PLCG1: variants seen among roughly 807,000 people sequenced by gnomAD.
PLCG1 encodes phospholipase C gamma 1, also known as 1-phosphatidylinositol 4,5-bisphosphate phosphodiesterase gamma-1.
In PLCG1, 71 loss-of-function variants were observed where a neutral mutation model predicts 177.8. The ratio of observed to expected loss-of-function variants is 0.40; its 90% CI spans 0.33 to 0.49. The LOEUF (loss-of-function observed/expected upper bound fraction) is 0.49, where lower values mean the gene tolerates loss of function less well. PLCG1 is among the 20% of genes least tolerant of loss of function. PLCG1 has a pLI of 0.72. For synonymous variants in PLCG1, 658 were observed against 647.9 expected (o/e 1.02, Z -0.24); for missense variants, 1,281 against 1,709.0 (o/e 0.75, Z 4.42).
rs1386452563 is a variant in PLCG1, at chr20:41,167,821, A to C, written c.2302-31A>C. On this transcript the variant is annotated intron_variant, in intron 19 of 31. Transcript: ENST00000685551. The surrounding 1 kb of genome is among the most constrained non-coding windows in gnomAD (Gnocchi z 4.4). ...GCTTTCTACCTCTGGGCTCTGGGGC[A>C]TTAACATATCCCATTGTGTCCTGTT... is the stretch of plus-strand genomic sequence containing the variant. The C allele has an allele frequency of 6.6e-7, 1 of 1,513,856 alleles. No homozygotes were observed. 93.8% of individuals were successfully genotyped at this position (1,513,856 alleles called of 1,614,324 possible).
chr20:41,138,154 C>CG (rs2034669903), intron 1 of PLCG1, among the ~76,000 whole-genome samples: 2 of 152,190 alleles, frequency 1.3e-5, no homozygotes, highest in South Asian at 4.1e-4. Flanking sequence ...GTGCAGGCAT[C>CG]GGGCCCCCCA....
chr20:41,174,548 C>A lies in PLCG1; in HGVS notation c.*39C>A. 6.4e-7 allele frequency: 1 copy of A among 1,554,686 alleles called. No homozygotes were observed. The highest frequency in any genetic ancestry group is 8.7e-7 in the Non-Finnish European group (1 of 1,144,700). On this transcript the variant is annotated 3_prime_UTR_variant, in exon 32 of 32. Transcript: ENST00000685551. The surrounding 1 kb of genome is among the most constrained non-coding windows in gnomAD (Gnocchi z 5.8). Reference sequence around the variant, plus strand: ...TCGTTGGAGAGCAGCAGGTGCTGTGCGCCTTGTAGAATGCCGCGAACTGGG... The same window carrying A: ...TCGTTGGAGAGCAGCAGGTGCTGTGAGCCTTGTAGAATGCCGCGAACTGGG...
rs2035805955 is a variant in PLCG1, at chr20:41,169,098, GGGAAGAA to G, written c.2505_2511del (p.Lys836SerfsTer31). 1.9e-6 allele frequency: 3 copies of G among 1,613,888 alleles called. No individual in the cohort carries two copies. The highest frequency in any genetic ancestry group is 2.5e-6 in the Non-Finnish European group (3 of 1,179,860). ...CCACAGGTGGCGAGGGGACTACGGA[GGGAAGAA>G]GCAGCTGTGGTTCCCATCAAACTAC... On this transcript the variant is annotated frameshift_variant, in exon 22 of 32. Transcript: ENST00000685551. LOFTEE classifies it high-confidence loss of function.
At position 41,157,202 on chromosome 20, in the gene PLCG1, CTCTG is replaced by C. The variant is rs1397661031; in HGVS notation, c.218-2402_218-2399del. On this transcript the variant is annotated intron_variant, in intron 1 of 31. Transcript: ENST00000685551. The surrounding 1 kb of genome is among the most constrained non-coding windows in gnomAD (Gnocchi z 5.4). ...ATGTGCAGGAGTGCAGGCCTGTTGACTCTGTGTGTGTGTGTGTGTGTGTGTGTGT... is the reference window on the plus strand; with the variant it reads ...ATGTGCAGGAGTGCAGGCCTGTTGACTGTGTGTGTGTGTGTGTGTGTGTGT... Among the ~76,000 whole-genome samples, 1 of 59,318 alleles carries C rather than the reference CTCTG, an allele frequency of 1.7e-5. No homozygotes were observed. Among genetic ancestry groups the C allele is most frequent in the Non-Finnish European group, 3.0e-5 (1 of 33,640 alleles). The allele number at this position is 59,318 out of a possible 152,430, so 38.9% of individuals were successfully genotyped here.
In PLCG1 at chr20:41,167,045, CA is replaced by C. The variant is rs1198722974; in HGVS notation, c.2301+187del. ...GTGTCTGCAGGAGGGGACATCTGAG[CA>C]GCATCTTTAAGGATGGGGACAGGCA... is the stretch of plus-strand genomic sequence containing the variant. On this transcript the variant is annotated intron_variant, in intron 19 of 31. Coordinates refer to ENST00000685551, the MANE Select transcript of PLCG1 (RefSeq NM_002660.3). This position sits in a 1 kb window ranked among gnomAD's most constrained non-coding sequence, Gnocchi z 4.4. Among the ~76,000 whole-genome samples, 3 of 152,146 alleles carry C rather than the reference CA, an allele frequency of 2.0e-5. No individual in the cohort carries two copies. The highest frequency in any genetic ancestry group is 4.8e-5 in the African/African-American group (2 of 41,426).
chr20:41,158,260 G>A (rs896962495), intron 1 of PLCG1, among the ~76,000 whole-genome samples: 1 of 152,166 alleles, frequency 6.6e-6, no homozygotes, highest in African/African-American at 2.4e-5. Flanking sequence ...AGTTCGGGCT[G>A]GAAGGGCTCC....
chr20:41,169,862 C>T (rs888194340), intron 23 of PLCG1, among the ~76,000 whole-genome samples: 2 of 152,156 alleles, frequency 1.3e-5, no homozygotes, highest in African/African-American at 4.8e-5. Flanking sequence ...GAGGGAGACA[C>T]GGCCTGAGGA....
At position 41,146,522 on chromosome 20, in the gene PLCG1, G is replaced by A. The variant is rs2034999684; in HGVS notation, c.217+8664G>A. ...GAGGAGAGTGGGTGGTCTTACTGAT[G>A]TTCTGGGCCCTGACAGTGAACAGCT... On this transcript the variant is annotated intron_variant, in intron 1 of 31. Transcript: ENST00000685551. This position sits in a 1 kb window ranked among gnomAD's most constrained non-coding sequence, Gnocchi z 6.3. 1.3e-5 allele frequency among the ~76,000 whole-genome samples: 2 copies of A among 152,204 alleles called. No homozygotes were observed. Among genetic ancestry groups the A allele is most frequent in the African/African-American group, 4.8e-5 (2 of 41,448 alleles).
In PLCG1 at chr20:41,174,592, C is replaced by A; in HGVS notation, c.*83C>A. On this transcript the variant is annotated 3_prime_UTR_variant, in exon 32 of 32. Transcript: ENST00000685551. The surrounding 1 kb of genome is among the most constrained non-coding windows in gnomAD (Gnocchi z 5.8). ...AACTGGGTTCTTTGGAAGCAGCCCC[C>A]TGTGGCGGCCTTCCGGGTCTCGCAG... The A allele has an allele frequency of 8.1e-7, 1 of 1,240,554 alleles. No individual in the cohort carries two copies. The allele number at this position is 1,240,554 out of a possible 1,614,324, so 76.8% of individuals were successfully genotyped here.
intron 22 of PLCG1, 46 bp from the exon 23 acceptor site, chr20:41,169,411 A>G: frequency 1.4e-6 from 2 of 1,419,316 alleles, no homozygotes; most frequent in Non-Finnish European, 2.0e-6. Flanking sequence ...CCTCACACAC[A>G]TATGCAGTAG....
chr20:41,164,821 T>C lies in PLCG1; in HGVS notation c.1218-112T>C, dbSNP rs2035626437. On this transcript the variant is annotated intron_variant, in intron 12 of 31. Coordinates refer to ENST00000685551, the MANE Select transcript of PLCG1 (RefSeq NM_002660.3). The surrounding 1 kb of genome is among the most constrained non-coding windows in gnomAD (Gnocchi z 6.4). The stretch of plus-strand genomic sequence containing the variant: ...GCCTGCCTCTTTTCTGGGATAGTTT[T>C]TACAGACAAGAAGCCCCCAGGCCCT... 1 of 1,061,498 alleles carries C rather than the reference T, an allele frequency of 9.4e-7. No individual in the cohort carries two copies. Among genetic ancestry groups the C allele is most frequent in the East Asian group, 2.5e-5 (1 of 40,710 alleles). 65.8% of individuals were successfully genotyped at this position (1,061,498 alleles called of 1,614,324 possible). A position where few individuals can be genotyped will look rare whatever the true frequency, so the allele number is the denominator to read the frequency against.
chr20:41,164,015 G>A lies in PLCG1; in HGVS notation c.1096+9G>A. Reference sequence around the variant, plus strand: ...CTGTCGCTGCATTGAGTGTGCGTGGGGTCCAGGGCTGGGGGAGGGAAGATG... The same window carrying A: ...CTGTCGCTGCATTGAGTGTGCGTGGAGTCCAGGGCTGGGGGAGGGAAGATG... On this transcript the variant is annotated intron_variant, in intron 11 of 31. Transcript: ENST00000685551. This position sits in a 1 kb window ranked among gnomAD's most constrained non-coding sequence, Gnocchi z 6.4. 1 of 1,614,164 alleles carries A rather than the reference G, an allele frequency of 6.2e-7. No homozygotes were observed. Among genetic ancestry groups the A allele is most frequent in the Non-Finnish European group, 8.5e-7 (1 of 1,180,032 alleles).
At chr20:41,162,224 G>GTTTTTTTTTTT (rs1568742730) in intron 4 of PLCG1, 1 of 314,032 alleles carries the variant, frequency 3.2e-6, no homozygotes, top group African/African-American at 2.6e-5. Flanking sequence ...TTTTTTGTTT[G>GTTTTTTTTTTT]TTTTGTTTTT....
rs1029875783 is a variant in PLCG1, at chr20:41,173,249, G to T, written c.3280-171G>T. Among the ~76,000 whole-genome samples the T allele has an allele frequency of 3.3e-5, 5 of 152,032 alleles. No individual in the cohort carries two copies. The highest frequency in any genetic ancestry group is 1.2e-4 in the African/African-American group (5 of 41,348). Reference sequence around the variant, plus strand: ...TTCAGATAAACTACAGGCAGCAGCTGCTCTGGACAGCTTAGGGTCCCTGAT... The same window carrying T: ...TTCAGATAAACTACAGGCAGCAGCTTCTCTGGACAGCTTAGGGTCCCTGAT... On this transcript the variant is annotated intron_variant, in intron 27 of 31. Coordinates refer to ENST00000685551, the MANE Select transcript of PLCG1 (RefSeq NM_002660.3). This position sits in a 1 kb window ranked among gnomAD's most constrained non-coding sequence, Gnocchi z 6.2.
Position 41,164,150 on chromosome 20 carries a change from A to G in PLCG1, c.1166A>G (p.Lys389Arg). 1 of 1,614,116 alleles carries G rather than the reference A, an allele frequency of 6.2e-7. No individual in the cohort carries two copies. Among genetic ancestry groups the G allele is most frequent in the South Asian group, 1.1e-5 (1 of 91,080 alleles). ...GGGCACACCCTTACCACCAAGATCA[A>G]GTTCTCAGATGTCCTGCACACCATC... The part of the protein sequence containing the change: ...YHGHTLTTKI[K>R]FSDVLHTIKE... Residue 389 changes from lysine to arginine, a missense_variant, in exon 12 of 32, where the codon AAG becomes AGG. Physicochemically the swap from Lys to Arg is conservative, Grantham distance 26 (BLOSUM62 2). Transcript: ENST00000685551. The surrounding 1 kb of genome is among the most constrained non-coding windows in gnomAD (Gnocchi z 6.4).
Position 41,157,621 on chromosome 20 carries a change from C to T in PLCG1, c.218-1985C>T, listed in dbSNP as rs575744688. ...GCATGTATGTACGTGTTTGTATGCA[C>T]GAGGCATCAAGTGTATTAGTACCAC... On this transcript the variant is annotated intron_variant, in intron 1 of 31. Transcript: ENST00000685551. The surrounding 1 kb of genome is among the most constrained non-coding windows in gnomAD (Gnocchi z 5.4). Among the ~76,000 whole-genome samples the T allele has an allele frequency of 5.9e-5, 9 of 152,232 alleles. No individual in the cohort carries two copies. The highest frequency in any genetic ancestry group is 2.1e-4 in the South Asian group (1 of 4,810).
rs2035624517 is a variant in PLCG1 at position 41,164,736 on chromosome 20, C to T, written c.1218-197C>T. The stretch of plus-strand genomic sequence containing the variant: ...AGCTCGGGACTGCATCAGTTGCCAC[C>T]CTTTGGTTTCCACTGCTGCCACAGC... On this transcript the variant is annotated intron_variant, in intron 12 of 31. Transcript: ENST00000685551. This position sits in a 1 kb window ranked among gnomAD's most constrained non-coding sequence, Gnocchi z 6.4. Among the ~76,000 whole-genome samples, 1 of 152,158 alleles carries T rather than the reference C, an allele frequency of 6.6e-6. No homozygotes were observed. The highest frequency in any genetic ancestry group is 2.1e-4 in the South Asian group (1 of 4,828).
rs1241019365 is a variant in PLCG1 at position 41,164,838 on chromosome 20, C to T, written c.1218-95C>T. 1 of 1,260,950 alleles carries T rather than the reference C, an allele frequency of 7.9e-7. No individual in the cohort carries two copies. Among genetic ancestry groups the T allele is most frequent in the East Asian group, 2.4e-5 (1 of 42,522 alleles). The allele number at this position is 1,260,950 out of a possible 1,614,324, so 78.1% of individuals were successfully genotyped here. A position where few individuals can be genotyped will look rare whatever the true frequency, so the allele number is the denominator to read the frequency against. ...GATAGTTTTTACAGACAAGAAGCCC[C>T]CAGGCCCTTGGCTTCCAACAGCTCA... On this transcript the variant is annotated intron_variant, in intron 12 of 31. Coordinates refer to ENST00000685551, the MANE Select transcript of PLCG1 (RefSeq NM_002660.3). The surrounding 1 kb of genome is among the most constrained non-coding windows in gnomAD (Gnocchi z 6.4).
intron 20 of PLCG1, among the ~76,000 whole-genome samples, chr20:41,168,284 T>C (rs1234825375): frequency 2.6e-5 from 4 of 152,134 alleles, no homozygotes; most frequent in African/African-American, 9.7e-5. Flanking sequence ...TTTGCCTTTT[T>C]CTCTAAAAAG....
Sources: gnomAD v4.1 joint callset for allele counts (sites outside exome capture counted in the v4.1 genomes callset) on GRCh38, gnomAD v4.1.1 for gene constraint, Gnocchi (gnomAD v3.1) non-coding constraint, MANE v1.5 for transcripts, NCBI Gene and HGNC (gene_info 2026-07-23, HGNC 2026-07-21) for gene names.